Variants in DLGAP1 observed in about 807,000 individuals in gnomAD.
DLGAP1 encodes disks large-associated protein 1.
DLGAP1 carries 11 observed loss-of-function variants against 90.8 expected under a neutral mutation model. That is an observed-to-expected ratio of 0.12 (90% CI 0.08 to 0.20). DLGAP1 has a LOEUF of 0.20. DLGAP1 is among the 10% of genes least tolerant of loss of function. The pLI is 1.00. For missense variants in DLGAP1, 1,050 were observed against 1,333.8 expected (o/e 0.79, Z 3.31); for synonymous variants, 558 against 540.7 (o/e 1.03, Z -0.44).
At chr18:3,719,418 T>C (rs866672140) in intron 7 of DLGAP1, among the ~76,000 whole-genome samples, 13 of 151,204 alleles carry the variant, frequency 8.6e-5, no homozygotes, top group South Asian at 2.1e-4. Flanking sequence ...ATTAGCCGGG[T>C]GTGGTGGCGG....
intron 5 of DLGAP1, among the ~76,000 whole-genome samples, chr18:3,776,726 AAAAAACAAAAAC>A (rs776352115): frequency 6.6e-6 from 1 of 152,202 alleles, no homozygotes; most frequent in Non-Finnish European, 1.5e-5. Flanking sequence ...GTTGCTATTT[AAAAAACAAAAAC>A]AAAAACAAAA....
intron 7 of DLGAP1, among the ~76,000 whole-genome samples, chr18:3,655,308 T>G (rs1005510358): frequency 6.6e-6 from 1 of 152,032 alleles, no homozygotes; most frequent in Non-Finnish European, 1.5e-5. Context: ...AAGAAGAAAA[T>G]GACACATTCT....
At chr18:3,693,275 T>C (rs554601411) in intron 7 of DLGAP1, among the ~76,000 whole-genome samples, 1 of 151,884 alleles carries the variant, frequency 6.6e-6, no homozygotes, top group East Asian at 1.9e-4. Flanking sequence ...TTTGTAGAGA[T>C]TGGGGTCTCC....
chr18:4,065,581 A>G (rs9952032), intron 2 of DLGAP1, among the ~76,000 whole-genome samples: 16,685 of 152,160 alleles, frequency 0.11, 996 homozygotes, highest in Non-Finnish European at 0.14. Context: ...AGTAGCCACA[A>G]AAAAATAAAA....
chr18:3,645,969 T>G (rs1194903928), intron 7 of DLGAP1, among the ~76,000 whole-genome samples: 1 of 152,234 alleles, frequency 6.6e-6, no homozygotes, highest in Non-Finnish European at 1.5e-5. Flanking sequence ...CTGAATCCTT[T>G]ACATCATCGT....
chr18:4,201,394 T>C (rs2144809593), intron 1 of DLGAP1, among the ~76,000 whole-genome samples: 1 of 152,180 alleles, frequency 6.6e-6, no homozygotes, highest in South Asian at 2.1e-4. Context: ...TTCCCCAATG[T>C]ATGATTTTTT....
intron 1 of DLGAP1, among the ~76,000 whole-genome samples, chr18:4,375,172 A>G (rs755547265): frequency 1.6e-4 from 25 of 152,126 alleles, no homozygotes; most frequent in Non-Finnish European, 2.9e-4. Flanking sequence ...TTACCATAGC[A>G]CTTTCCACTG....
intron 5 of DLGAP1, among the ~76,000 whole-genome samples, chr18:3,756,334 C>T (rs540749376): frequency 6.6e-6 from 1 of 152,118 alleles, no homozygotes; most frequent in South Asian, 2.1e-4. Context: ...CAGGTGTGAG[C>T]CACCACGCCT....
intron 1 of DLGAP1, among the ~76,000 whole-genome samples, chr18:4,297,523 TG>T (rs2080012924): frequency 1.3e-5 from 2 of 152,216 alleles, no homozygotes; most frequent in African/African-American, 4.8e-5. Context: ...CAATTGTCCC[TG>T]GTTATTTTAT....
At chr18:3,961,948 T>C (rs926243868) in intron 3 of DLGAP1, among the ~76,000 whole-genome samples, 2 of 152,220 alleles carry the variant, frequency 1.3e-5, no homozygotes, top group African/African-American at 4.8e-5. Flanking sequence ...CTAACATGAT[T>C]GACCAGGTTC....
intron 8 of DLGAP1, among the ~76,000 whole-genome samples, chr18:3,577,228 A>G (rs945581806): frequency 7.2e-5 from 11 of 152,052 alleles, no homozygotes; most frequent in African/African-American, 2.2e-4. Flanking sequence ...GCACCACGTG[A>G]CCCTGCCACC....
intron 4 of DLGAP1, among the ~76,000 whole-genome samples, chr18:3,829,747 ATCT>A (rs1046215562): frequency 3.3e-5 from 5 of 152,142 alleles, no homozygotes; most frequent in Admixed American, 6.5e-5. Flanking sequence ...ATGGAGGGTA[ATCT>A]TCTTTACATA....
rs1470248914 is a variant in DLGAP1, at chr18:4,255,075, C to T, written c.-266-103788G>A. 5.3e-5 allele frequency among the ~76,000 whole-genome samples: 8 copies of T among 152,166 alleles called. 1 individual carries two copies. ...CAAAGCAGAGCCGAGTGCTGGGGCA[C>T]AGCAGGAAATAAGGCAGGAATTAGT... On this transcript the variant is annotated intron_variant, in intron 1 of 12. Coordinates refer to ENST00000315677, the MANE Select transcript of DLGAP1 (RefSeq NM_004746.4).
intron 1 of DLGAP1, among the ~76,000 whole-genome samples, chr18:4,183,655 G>A (rs1337524831): frequency 6.6e-6 from 1 of 152,046 alleles, no homozygotes; most frequent in East Asian, 1.9e-4. Context: ...GAAGAGTCAT[G>A]GATTCCAACC....
At chr18:3,856,903 T>C (rs549883033) in intron 4 of DLGAP1, among the ~76,000 whole-genome samples, 1 of 152,032 alleles carries the variant, frequency 6.6e-6, no homozygotes, top group Non-Finnish European at 1.5e-5. Context: ...TTTAGTGTCA[T>C]GCTACATCCA....
chr18:3,512,768 T>G (rs1278872067), intron 10 of DLGAP1, among the ~76,000 whole-genome samples: 1 of 152,216 alleles, frequency 6.6e-6, no homozygotes, highest in Non-Finnish European at 1.5e-5. Context: ...CTGACCCCAG[T>G]CTATTTGGGC....
chr18:4,172,632 G>A (rs2077042997), intron 1 of DLGAP1, among the ~76,000 whole-genome samples: 1 of 152,140 alleles, frequency 6.6e-6, no homozygotes, highest in African/African-American at 2.4e-5. Flanking sequence ...GTCAACTGGT[G>A]AACATAAGGG....
intron 7 of DLGAP1, among the ~76,000 whole-genome samples, chr18:3,661,628 G>C (rs1275121053): frequency 6.7e-6 from 1 of 149,780 alleles, no homozygotes; most frequent in East Asian, 2.0e-4. Context: ...CCAGGCTGGA[G>C]TGCAGTGGCA....
chr18:3,849,900 C>T (rs1303602549), intron 4 of DLGAP1, among the ~76,000 whole-genome samples: 3 of 152,168 alleles, frequency 2.0e-5, no homozygotes, highest in Admixed American at 6.5e-5. Context: ...GCATTAACTG[C>T]GATTAGCAAA....
Sources: gnomAD v4.1 joint callset for allele counts (sites outside exome capture counted in the v4.1 genomes callset) on GRCh38, gnomAD v4.1.1 for gene constraint, MANE v1.5 for transcripts, NCBI Gene and HGNC (gene_info 2026-07-23, HGNC 2026-07-21) for gene names.